USP3: variants seen among roughly 807,000 people sequenced by gnomAD.
The protein encoded by USP3 is ubiquitin carboxyl-terminal hydrolase 3.
In USP3, 20 loss-of-function variants were observed where a neutral mutation model predicts 72.3. That is an observed-to-expected ratio of 0.28 (90% CI 0.19 to 0.40). USP3 has a LOEUF of 0.40. USP3 is among the 10% of genes least tolerant of loss of function. The pLI is 1.00. For missense variants in USP3, 479 were observed against 633.9 expected (o/e 0.76, Z 2.62); for synonymous variants, 222 against 225.3 (o/e 0.99, Z 0.13).
intron 11 of USP3, among the ~76,000 whole-genome samples, chr15:63,580,626 T>G (rs2066936748): frequency 9.5e-6 from 1 of 105,290 alleles, no homozygotes; most frequent in African/African-American, 3.9e-5. Context: ...ATCTTAAGAG[T>G]TTCAGAAAGT....
intron 1 of USP3, among the ~76,000 whole-genome samples, chr15:63,531,475 A>G (rs1417516511): frequency 2.6e-5 from 4 of 152,226 alleles, no homozygotes; most frequent in Non-Finnish European, 5.9e-5. Flanking sequence ...TCAAGTAAGC[A>G]GGTCAGTGGT....
At chr15:63,537,818 TGG>T (rs1284263919) in intron 3 of USP3, among the ~76,000 whole-genome samples, 2 of 152,098 alleles carry the variant, frequency 1.3e-5, no homozygotes, top group Non-Finnish European at 2.9e-5. Flanking sequence ...CCCAAGTAGC[TGG>T]GATTACAAGC....
At chr15:63,536,294 T>C (rs1431526218) in intron 2 of USP3, among the ~76,000 whole-genome samples, 2 of 152,186 alleles carry the variant, frequency 1.3e-5, no homozygotes, top group Non-Finnish European at 2.9e-5. Context: ...GGAAGCTATA[T>C]TGGTGAGAGA....
intron 3 of USP3, among the ~76,000 whole-genome samples, chr15:63,539,707 G>A (rs554228546): frequency 1.3e-5 from 2 of 152,312 alleles, no homozygotes; most frequent in East Asian, 3.9e-4. Context: ...AGGCTTTTGT[G>A]TGAAGTTGTA....
chr15:63,511,575 C>T (rs941326191), intron 1 of USP3, among the ~76,000 whole-genome samples: 62 of 152,138 alleles, frequency 4.1e-4, no homozygotes, highest in African/African-American at 1.4e-3. Context: ...TTTTATAGGC[C>T]GAAATTCATA....
intron 11 of USP3, among the ~76,000 whole-genome samples, chr15:63,582,931 G>T (rs896721555): frequency 6.6e-6 from 1 of 152,156 alleles, no homozygotes; most frequent in Non-Finnish European, 1.5e-5. Context: ...AATGTTGATA[G>T]ATTCTTTCAG....
At chr15:63,543,695 A>G (rs546329472) in intron 3 of USP3, among the ~76,000 whole-genome samples, 39 of 152,352 alleles carry the variant, frequency 2.6e-4, no homozygotes, top group African/African-American at 8.9e-4. Context: ...GATAGTGACG[A>G]TGATGTAAAC....
chr15:63,556,948 TC>T, intron 5 of USP3, 200 bp downstream of exon 5: 2 of 474,580 alleles, frequency 4.2e-6, no homozygotes, highest in Middle Eastern at 5.8e-4. Context: ...AGCACCTTCT[TC>T]CCATCAGCGT....
At chr15:63,549,011 AT>A (rs1407523924) in intron 3 of USP3, among the ~76,000 whole-genome samples, 1 of 152,204 alleles carries the variant, frequency 6.6e-6, no homozygotes, top group Non-Finnish European at 1.5e-5. Flanking sequence ...AATTTAAAAT[AT>A]TTTAGTAGCC....
intron 1 of USP3, among the ~76,000 whole-genome samples, chr15:63,531,028 G>A (rs1466947361): frequency 2.0e-5 from 3 of 152,180 alleles, no homozygotes; most frequent in African/African-American, 7.2e-5. Flanking sequence ...CATACTGAAT[G>A]TAAATATGCG....
intron 2 of USP3, among the ~76,000 whole-genome samples, chr15:63,536,561 A>G (rs2066159782): frequency 6.6e-6 from 1 of 152,040 alleles, no homozygotes; most frequent in African/African-American, 2.4e-5. Flanking sequence ...GCCTGAGCCT[A>G]CTCTTGTATA....
intron 3 of USP3, among the ~76,000 whole-genome samples, chr15:63,550,338 T>G (rs2152668651): frequency 6.6e-6 from 1 of 152,290 alleles, no homozygotes; most frequent in East Asian, 1.9e-4. Context: ...TAATAGCTGC[T>G]TCCATGATAC....
intron 1 of USP3, among the ~76,000 whole-genome samples, chr15:63,521,219 TA>T (rs1196286369): frequency 1.3e-5 from 2 of 152,090 alleles, no homozygotes; most frequent in Admixed American, 1.3e-4. Flanking sequence ...TTCTCTTTTT[TA>T]AAACAGCTTC....
In USP3 at chr15:63,504,637, G is replaced by C. The variant is rs559830555; in HGVS notation, c.-103G>C. ...TCGAGACGCAGCCGCCGTCGGCCGA[G>C]CGCCCGGCTAGAAGCGACACCAGAC... On this transcript the variant is annotated 5_prime_UTR_variant, in exon 1 of 15. Coordinates refer to ENST00000380324, the MANE Select transcript of USP3 (RefSeq NM_006537.4). The C allele has an allele frequency of 2.0e-6, 2 of 1,023,274 alleles. No homozygotes were observed. Among genetic ancestry groups the C allele is most frequent in the South Asian group, 1.9e-5 (1 of 53,774 alleles). The allele number at this position is 1,023,274 out of a possible 1,614,324, so 63.4% of individuals were successfully genotyped here. A position where few individuals can be genotyped will look rare whatever the true frequency, so the allele number is the denominator to read the frequency against.
chr15:63,550,266 G>T (rs754178124), intron 3 of USP3, among the ~76,000 whole-genome samples: 1 of 152,092 alleles, frequency 6.6e-6, no homozygotes, highest in Non-Finnish European at 1.5e-5. Flanking sequence ...GATCCACCCA[G>T]CTCGGCCTCC....
intron 1 of USP3, among the ~76,000 whole-genome samples, chr15:63,515,220 C>T (rs2065835885): frequency 6.6e-6 from 1 of 152,208 alleles, no homozygotes; most frequent in Non-Finnish European, 1.5e-5. Flanking sequence ...ATAATAGCTT[C>T]ATTAGGTGTT....
rs2066022256 is a variant in USP3 at position 63,528,796 on chromosome 15, T to C, written c.92-3851T>C. Among the ~76,000 whole-genome samples, 1 of 152,218 alleles carries C rather than the reference T, an allele frequency of 6.6e-6. No homozygotes were observed. Among genetic ancestry groups the C allele is most frequent in the Admixed American group, 6.5e-5 (1 of 15,280 alleles). ...TAAATGGTTTTAAGATTATCTGTAG[T>C]ATTCTTTTATTTGTACAATTACCTG... On this transcript the variant is annotated intron_variant, in intron 1 of 14. Coordinates refer to ENST00000380324, the MANE Select transcript of USP3 (RefSeq NM_006537.4). The surrounding 1 kb of genome is among the most constrained non-coding windows in gnomAD (Gnocchi z 4.3).
At chr15:63,586,821 AG>A (rs1323666913) in intron 11 of USP3, 1 of 152,250 alleles carries the variant, frequency 6.6e-6, no homozygotes, top group Non-Finnish European at 1.5e-5. Context: ...CTGGAGGTTG[AG>A]AAAGTCTCAA....
intron 11 of USP3, among the ~76,000 whole-genome samples, chr15:63,583,972 GTA>G (rs547552881): frequency 6.6e-6 from 1 of 151,800 alleles, no homozygotes; most frequent in South Asian, 2.1e-4. Context: ...GTTCTTTTGG[GTA>G]TATACCTAAG....
Sources: gnomAD v4.1 joint callset for allele counts (sites outside exome capture counted in the v4.1 genomes callset) on GRCh38, gnomAD v4.1.1 for gene constraint, Gnocchi (gnomAD v3.1) non-coding constraint, MANE v1.5 for transcripts, NCBI Gene and HGNC (gene_info 2026-07-23, HGNC 2026-07-21) for gene names.